Variants in PPP2R2D observed in about 807,000 individuals in gnomAD.
The protein encoded by PPP2R2D is protein phosphatase 2 regulatory subunit Bdelta, also known as serine/threonine-protein phosphatase 2A 55 kDa regulatory subunit B delta isoform.
Under a neutral mutation model 31.1 loss-of-function variants are expected in PPP2R2D, and 9 were observed. That is an observed-to-expected ratio of 0.29 (90% CI 0.17 to 0.51). The LOEUF (loss-of-function observed/expected upper bound fraction) is 0.51, where lower values mean the gene tolerates loss of function less well. Among genes scored for constraint, PPP2R2D ranks in the 20% least tolerant of loss-of-function variants. The pLI is 0.98. For synonymous variants in PPP2R2D, 179 were observed against 172.6 expected (o/e 1.04, Z -0.29); for missense variants, 391 against 465.6 (o/e 0.84, Z 1.48).
Position 131,901,170 on chromosome 10 carries a change from C to T in PPP2R2D, c.7+15C>T, listed in dbSNP as rs2119678401. On this transcript the variant is annotated intron_variant, in intron 1 of 8. Transcript: ENST00000455566. Reference sequence around the variant, plus strand: ...TGCCATGGCAGGTGAGGGGTCTGCGCGGGCCGGCGGGGACCACGGGGGCGG... The same window carrying T: ...TGCCATGGCAGGTGAGGGGTCTGCGTGGGCCGGCGGGGACCACGGGGGCGG... 3.2e-6 allele frequency: 1 copy of T among 307,978 alleles called. No individual in the cohort carries two copies. Among genetic ancestry groups the T allele is most frequent in the Admixed American group, 5.2e-5 (1 of 19,188 alleles). The allele number at this position is 307,978 out of a possible 1,614,324, so 19.1% of individuals were successfully genotyped here.
chr10:131,970,768 G>A, the PPP2R2D span: 4 of 1,614,188 alleles, frequency 2.5e-6, no homozygotes, highest in South Asian at 4.4e-5. This position sits in a 1 kb window ranked among gnomAD's most constrained non-coding sequence, Gnocchi z 4.1. Context: ...GTGCGCTTCG[G>A]GTGTTTAAAG....
At chr10:131,962,385 C>G (rs2036937556), downstream of PPP2R2D, among the ~76,000 whole-genome samples, 1 of 152,234 alleles carries the variant, frequency 6.6e-6, no homozygotes, top group Non-Finnish European at 1.5e-5. Context: ...GAGGCGAAAC[C>G]TGTGATTTCT....
intron 2 of PPP2R2D, chr10:131,911,663 G>A (rs893467288): frequency 4.6e-5 from 7 of 152,254 alleles, no homozygotes; most frequent in East Asian, 1.9e-4. Context: ...TGACAACAGC[G>A]TGAAAACGGC....
At chr10:131,938,716 G>A (rs2036388074) in intron 3 of PPP2R2D, among the ~76,000 whole-genome samples, 1 of 152,238 alleles carries the variant, frequency 6.6e-6, no homozygotes, top group Admixed American at 6.5e-5. Context: ...GTGCAGCACT[G>A]TGCGGTTGTC....
chr10:131,912,375 C>A (rs2035698763), intron 2 of PPP2R2D: 1 of 152,170 alleles, frequency 6.6e-6, no homozygotes, highest in Non-Finnish European at 1.5e-5. Context: ...TTTGTAGAGA[C>A]AGGGTTTTGC....
chr10:131,945,703 G>A lies in PPP2R2D; in HGVS notation c.820+244G>A, dbSNP rs536952930. 22 of 460,642 alleles carry A rather than the reference G, an allele frequency of 4.8e-5. No individual in the cohort carries two copies. The highest frequency in any genetic ancestry group is 2.3e-4 in the East Asian group (6 of 26,302). The allele number at this position is 460,642 out of a possible 1,614,324, so 28.5% of individuals were successfully genotyped here. On this transcript the variant is annotated intron_variant, in intron 7 of 8. Coordinates refer to ENST00000455566, the MANE Select transcript of PPP2R2D (RefSeq NM_018461.5). The surrounding 1 kb of genome is among the most constrained non-coding windows in gnomAD (Gnocchi z 4.8). ...TGACCTCAGGTGATCCCCCTACCTC[G>A]GCCTCCCAAAGTGCTGGGATTACAG...
intron 2 of PPP2R2D, among the ~76,000 whole-genome samples, chr10:131,914,088 A>G (rs2035730675): frequency 2.6e-5 from 4 of 152,222 alleles, no homozygotes; most frequent in African/African-American, 9.6e-5. Flanking sequence ...AATTAGCAAC[A>G]TTTGAGTGAA....
chr10:131,948,578 C>A (rs1554898380), intron 8 of PPP2R2D, among the ~76,000 whole-genome samples: 1 of 152,154 alleles, frequency 6.6e-6, no homozygotes, highest in Non-Finnish European at 1.5e-5. Context: ...GGAAATCTCA[C>A]AACGGCCAGA....
intron 2 of PPP2R2D, among the ~76,000 whole-genome samples, chr10:131,902,488 G>T (rs1187931068): frequency 1.3e-5 from 2 of 152,158 alleles, no homozygotes; most frequent in African/African-American, 4.8e-5. Context: ...CAGGGCCTAG[G>T]TTATTAAGCA....
chr10:131,964,571 CT>C (rs1589973031), downstream of PPP2R2D, among the ~76,000 whole-genome samples: 1 of 151,998 alleles, frequency 6.6e-6, no homozygotes, highest in East Asian at 1.9e-4. Flanking sequence ...GGAAATCAGG[CT>C]GTCATTACGT....
intron 2 of PPP2R2D, among the ~76,000 whole-genome samples, chr10:131,928,756 A>G (rs1448338336): frequency 2.0e-5 from 3 of 152,206 alleles, no homozygotes; most frequent in African/African-American, 7.2e-5. Context: ...TGAAAAACCT[A>G]GTGGGTTTTC....
In PPP2R2D at chr10:131,956,725, A is replaced by G. The variant is rs7096563; in HGVS notation, c.*762A>G. The G allele has an allele frequency of 0.68, 217,551 of 321,026 alleles. 74,199 individuals carry two copies. Among genetic ancestry groups the G allele is most frequent in the African/African-American group, 0.84 (37,405 of 44,536 alleles). 19.9% of individuals were successfully genotyped at this position (321,026 alleles called of 1,614,324 possible). A position where few individuals can be genotyped will look rare whatever the true frequency, so the allele number is the denominator to read the frequency against. Reference sequence around the variant, plus strand: ...TGTGTTTCTGTAGAAGTAGCCCATCAGATACACCAGGTAAGGTCTGGGAAA... The same window carrying G: ...TGTGTTTCTGTAGAAGTAGCCCATCGGATACACCAGGTAAGGTCTGGGAAA... On this transcript the variant is annotated 3_prime_UTR_variant, in exon 9 of 9. Coordinates refer to ENST00000455566, the MANE Select transcript of PPP2R2D (RefSeq NM_018461.5).
At chr10:131,914,267 G>A (rs2035734839) in intron 2 of PPP2R2D, among the ~76,000 whole-genome samples, 1 of 152,240 alleles carries the variant, frequency 6.6e-6, no homozygotes, top group African/African-American at 2.4e-5. Flanking sequence ...GGCCAAGGCA[G>A]GAGGATCCCT....
chr10:131,963,944 C>G (rs1343423991), downstream of PPP2R2D, among the ~76,000 whole-genome samples: 2 of 152,186 alleles, frequency 1.3e-5, no homozygotes, highest in Non-Finnish European at 2.9e-5. Flanking sequence ...TTTTCCTGTC[C>G]AGGGCCCTCC....
intron 2 of PPP2R2D, among the ~76,000 whole-genome samples, chr10:131,903,022 G>A (rs1206187746): frequency 6.6e-6 from 1 of 151,616 alleles, no homozygotes; most frequent in East Asian, 1.9e-4. Flanking sequence ...AAGGTGCTGA[G>A]ATTATAGGCG....
chr10:131,933,710 A>G lies in PPP2R2D; in HGVS notation c.101-748A>G, dbSNP rs139493024. On this transcript the variant is annotated intron_variant, in intron 2 of 8. Transcript: ENST00000455566. ...CACAGACCTGGGATTTTTTTTTTTTAATTTAATAGTTGGTCATAAATCCAG... is the reference window on the plus strand; with the variant it reads ...CACAGACCTGGGATTTTTTTTTTTTGATTTAATAGTTGGTCATAAATCCAG... Among the ~76,000 whole-genome samples, 69 of 151,042 alleles carry G rather than the reference A, an allele frequency of 4.6e-4. 2 individuals carry two copies. Among genetic ancestry groups the G allele is most frequent in the African/African-American group, 1.5e-3 (62 of 41,224 alleles).
intron 2 of PPP2R2D, among the ~76,000 whole-genome samples, chr10:131,917,092 C>T (rs1197404704): frequency 7.8e-6 from 1 of 128,386 alleles, no homozygotes; most frequent in East Asian, 2.2e-4. Flanking sequence ...AGGGACCTCA[C>T]ACGGGTGGAA....
intron 2 of PPP2R2D, among the ~76,000 whole-genome samples, chr10:131,915,221 G>C (rs1296840466): frequency 6.6e-6 from 1 of 151,922 alleles, no homozygotes; most frequent in Non-Finnish European, 1.5e-5. Flanking sequence ...AACTCAGCTA[G>C]TAATAATGAT....
At chr10:131,969,537 C>CA in the PPP2R2D span, 2 of 152,292 alleles carry the variant, frequency 1.3e-5, no homozygotes, top group African/African-American at 4.8e-5. Context: ...GAAAGCCACG[C>CA]ACACGGGAGG....
Sources: allele counts gnomAD v4.1 joint callset (sites outside exome capture counted in the v4.1 genomes callset), GRCh38; gene constraint gnomAD v4.1.1; non-coding constraint Gnocchi (gnomAD v3.1); transcripts MANE v1.5; gene names NCBI Gene and HGNC (gene_info 2026-07-23, HGNC 2026-07-21).